SEMA3A: variants seen among roughly 807,000 people sequenced by gnomAD.
The protein encoded by SEMA3A is semaphorin 3A, also known as semaphorin-3A.
In SEMA3A, 29 loss-of-function variants were observed where a neutral mutation model predicts 97.9. The ratio of observed to expected loss-of-function variants is 0.30; its 90% CI spans 0.22 to 0.40. The LOEUF (loss-of-function observed/expected upper bound fraction) is 0.40, where lower values mean the gene tolerates loss of function less well. Among genes scored for constraint, SEMA3A ranks in the 10% least tolerant of loss-of-function variants. The pLI, the probability that SEMA3A is intolerant of heterozygous loss-of-function variation, is 1.00. For synonymous variants in SEMA3A, 321 were observed against 323.7 expected (o/e 0.99, Z 0.09); for missense variants, 763 against 951.3 (o/e 0.80, Z 2.60).
intron 3 of SEMA3A, among the ~76,000 whole-genome samples, chr7:84,205,732 T>C (rs1399660908): frequency 6.6e-6 from 1 of 152,194 alleles, no homozygotes; most frequent in African/African-American, 2.4e-5. Context: ...TTCAGTAGAC[T>C]TTAAAGAATC....
At chr7:84,115,876 A>ATGTC (rs1218828895) in intron 3 of SEMA3A, among the ~76,000 whole-genome samples, 1 of 152,212 alleles carries the variant, frequency 6.6e-6, no homozygotes, top group Non-Finnish European at 1.5e-5. Context: ...GCCTTAATGC[A>ATGTC]ACCAAGTCAT....
intron 1 of SEMA3A, among the ~76,000 whole-genome samples, chr7:84,456,926 G>A (rs1285236981): frequency 6.6e-6 from 1 of 151,708 alleles, no homozygotes; most frequent in Non-Finnish European, 1.5e-5. Context: ...TGGACCCTAA[G>A]TTACTTGCTA....
chr7:84,250,305 AG>A (rs1264349580), intron 3 of SEMA3A, among the ~76,000 whole-genome samples: 1 of 152,086 alleles, frequency 6.6e-6, no homozygotes, highest in African/African-American at 2.4e-5. Context: ...AGAAAAAAAA[AG>A]TAACATTTAA....
At chr7:84,389,514 C>A (rs1350666447) in intron 1 of SEMA3A, among the ~76,000 whole-genome samples, 1 of 151,912 alleles carries the variant, frequency 6.6e-6, no homozygotes, top group Non-Finnish European at 1.5e-5. Flanking sequence ...GTAGTGTAGT[C>A]CACGCTGGTA....
chr7:84,367,594 A>T (rs942682948), intron 2 of SEMA3A, among the ~76,000 whole-genome samples: 11 of 150,878 alleles, frequency 7.3e-5, no homozygotes, highest in Non-Finnish European at 1.5e-4. Context: ...GAGAAAGAAG[A>T]CTGGATGTGA....
At chr7:84,217,509 A>T (rs1798777656) in intron 3 of SEMA3A, among the ~76,000 whole-genome samples, 1 of 152,188 alleles carries the variant, frequency 6.6e-6, no homozygotes. Flanking sequence ...TGGCTTACTA[A>T]ATCTACCATG....
At chr7:84,276,085 A>G (rs1216154087) in intron 3 of SEMA3A, among the ~76,000 whole-genome samples, 2 of 152,042 alleles carry the variant, frequency 1.3e-5, no homozygotes, top group Non-Finnish European at 2.9e-5. Flanking sequence ...TCTCTGTCCC[A>G]TGCCCTAAGT....
At chr7:84,350,404 T>C (rs1440767981) in intron 2 of SEMA3A, among the ~76,000 whole-genome samples, 1 of 152,154 alleles carries the variant, frequency 6.6e-6, no homozygotes, top group East Asian at 1.9e-4. Flanking sequence ...ATAGTATATT[T>C]ATAATATTTC....
chr7:84,377,148 T>C (rs1026051678), intron 1 of SEMA3A, among the ~76,000 whole-genome samples: 1 of 152,222 alleles, frequency 6.6e-6, no homozygotes, highest in Admixed American at 6.5e-5. Flanking sequence ...TTTCATAGTT[T>C]CAGATCTTAT....
At chr7:84,353,576 C>T (rs1306778513) in intron 2 of SEMA3A, among the ~76,000 whole-genome samples, 1 of 151,510 alleles carries the variant, frequency 6.6e-6, no homozygotes, top group Non-Finnish European at 1.5e-5. Flanking sequence ...TTTTATATAG[C>T]AGATATAAAG....
intron 3 of SEMA3A, among the ~76,000 whole-genome samples, chr7:84,296,272 G>T (rs967558026): frequency 6.6e-6 from 1 of 151,996 alleles, no homozygotes; most frequent in Non-Finnish European, 1.5e-5. Flanking sequence ...ATTAAAATTA[G>T]GCATTTTGAC....
chr7:84,208,418 G>T (rs1962779), intron 3 of SEMA3A, among the ~76,000 whole-genome samples: 1 of 86,968 alleles, frequency 1.1e-5, no homozygotes, highest in Admixed American at 1.1e-4. Flanking sequence ...TGCCACTGCA[G>T]TCCAGCCTGG....
At chr7:84,096,975 T>C (rs1427866186) in intron 4 of SEMA3A, among the ~76,000 whole-genome samples, 1 of 152,154 alleles carries the variant, frequency 6.6e-6, no homozygotes, top group South Asian at 2.1e-4. Context: ...AAGTATGATC[T>C]GGTGTCAAGG....
upstream of SEMA3A, among the ~76,000 whole-genome samples, chr7:84,198,838 G>A (rs1798294273): frequency 6.6e-6 from 1 of 151,618 alleles, no homozygotes; most frequent in Admixed American, 6.6e-5. Context: ...GCAACTTTCT[G>A]GATGGTGTGC....
At chr7:84,053,854 T>C (rs1004800523) in intron 5 of SEMA3A, among the ~76,000 whole-genome samples, 1 of 110,194 alleles carries the variant, frequency 9.1e-6, no homozygotes, top group Non-Finnish European at 2.2e-5. Flanking sequence ...CTGGTACCGG[T>C]TGTTCCTTTC....
chr7:84,289,092 A>G (rs1800673553), intron 3 of SEMA3A, among the ~76,000 whole-genome samples: 1 of 152,170 alleles, frequency 6.6e-6, no homozygotes, highest in Non-Finnish European at 1.5e-5. Context: ...GGAGGACATT[A>G]TGTTAAGTGA....
intron 3 of SEMA3A, among the ~76,000 whole-genome samples, chr7:84,259,836 A>AG (rs1799806262): frequency 6.6e-6 from 1 of 151,826 alleles, no homozygotes; most frequent in Non-Finnish European, 1.5e-5. Flanking sequence ...AAGAAAAGAA[A>AG]GGAAAAAAAA....
At chr7:84,444,282 T>C (rs942702525) in intron 1 of SEMA3A, among the ~76,000 whole-genome samples, 2 of 152,286 alleles carry the variant, frequency 1.3e-5, no homozygotes, top group East Asian at 3.9e-4. Context: ...ATCCCACTTG[T>C]TCAAATTTTT....
intron 2 of SEMA3A, among the ~76,000 whole-genome samples, chr7:84,353,968 A>G (rs1802495619): frequency 6.6e-6 from 1 of 151,652 alleles, no homozygotes; most frequent in Non-Finnish European, 1.5e-5. Context: ...ACCTATTGAG[A>G]ACAGATGTTA....
Sources: gnomAD v4.1 joint callset for allele counts (sites outside exome capture counted in the v4.1 genomes callset) on GRCh38, gnomAD v4.1.1 for gene constraint, MANE v1.5 for transcripts, NCBI Gene and HGNC (gene_info 2026-07-23, HGNC 2026-07-21) for gene names.